The following NRDE2 variants were observed in gnomAD, a reference collection of about 807,000 sequenced individuals.
NRDE2 encodes nuclear exosome regulator NRDE2.
Under a neutral mutation model 124.2 loss-of-function variants are expected in NRDE2, and 76 were observed. The ratio of observed to expected loss-of-function variants is 0.61; its 90% confidence interval spans 0.51 to 0.74. The LOEUF (loss-of-function observed/expected upper bound fraction) is 0.74. Among genes scored for constraint, NRDE2 ranks in the 30% least tolerant of loss-of-function variants. The pLI is 0.00. For synonymous variants in NRDE2, 489 were observed against 528.1 expected (o/e 0.93, Z 1.01); for missense variants, 1,314 against 1,417.3 (o/e 0.93, Z 1.17).
chr14:90,300,071 G>C (rs1028653268), intron 7 of NRDE2, among the ~76,000 whole-genome samples: 4 of 152,260 alleles, frequency 2.6e-5, no homozygotes, highest in African/African-American at 9.6e-5. Flanking sequence ...CAACACTTTA[G>C]AGCAGTGGTC....
Position 90,273,445 on chromosome 14 carries a change from C to G in NRDE2, c.*4891G>C, listed in dbSNP as rs1431313919. The G allele has an allele frequency of 1.3e-5, 2 of 152,334 alleles. No individual in the cohort carries two copies. Among genetic ancestry groups the G allele is most frequent in the South Asian group, 4.1e-4 (2 of 4,822 alleles). The allele number at this position is 152,334 out of a possible 1,614,324, so 9.4% of individuals were successfully genotyped here. ...TGGTGGCAGGTGCCTGTAGTCCCAGCTACTCAGGAGGCTGAGGCAGGACAA... is the reference window on the plus strand; with the variant it reads ...TGGTGGCAGGTGCCTGTAGTCCCAGGTACTCAGGAGGCTGAGGCAGGACAA... On this transcript the variant is annotated 3_prime_UTR_variant, in exon 14 of 14. Transcript: ENST00000354366.
chr14:90,284,391 C>G (rs576169723), intron 12 of NRDE2, among the ~76,000 whole-genome samples: 2 of 150,438 alleles, frequency 1.3e-5, no homozygotes, highest in East Asian at 3.9e-4. Flanking sequence ...CTCTGTTAAC[C>G]AGGCAGGAGT....
intron 12 of NRDE2, chr14:90,279,400 T>C: frequency 2.6e-6 from 1 of 382,198 alleles, no homozygotes; most frequent in Non-Finnish European, 4.7e-6. Context: ...AAGTCTCAGA[T>C]CTCCTCCTTT....
At chr14:90,289,741 C>A (rs529420435) in intron 10 of NRDE2, among the ~76,000 whole-genome samples, 129 of 152,364 alleles carry the variant, frequency 8.5e-4, no homozygotes, top group Non-Finnish European at 1.5e-3. Context: ...GCACACGCCA[C>A]AACGCCCAGC....
intron 12 of NRDE2, among the ~76,000 whole-genome samples, chr14:90,284,973 G>A (rs1315583214): frequency 2.6e-5 from 4 of 152,042 alleles, no homozygotes; most frequent in Non-Finnish European, 5.9e-5. Context: ...TGAACACAAA[G>A]CTGCTTTAGA....
intron 12 of NRDE2, among the ~76,000 whole-genome samples, chr14:90,283,570 G>C (rs1892013162): frequency 6.6e-6 from 1 of 152,154 alleles, no homozygotes; most frequent in African/African-American, 2.4e-5. Context: ...TCCTGACTCT[G>C]CTGCCTCAAA....
chr14:90,304,097 A>G lies in NRDE2; in HGVS notation c.843T>C (p.His281=). Residue 281 remains histidine (H), a synonymous_variant, in exon 5 of 14, where the codon CAT becomes CAC. Coordinates refer to ENST00000354366, the MANE Select transcript of NRDE2 (RefSeq NM_017970.4). ...PLGIYDQSTT[H]WLQGQGPPEQ... ...CTGGAGGACCCTGTCCTTGTAGCCA[A>G]TGTGTGGTTGACTGATCATAAATCC... 2 of 1,614,166 alleles carry G rather than the reference A, an allele frequency of 1.2e-6. No individual in the cohort carries two copies. The highest frequency in any genetic ancestry group is 1.7e-6 in the Non-Finnish European group (2 of 1,180,036).
chr14:90,303,306 T>C (rs1489986854), intron 5 of NRDE2, among the ~76,000 whole-genome samples, 181 bp from the exon 6 acceptor site: 2 of 152,250 alleles, frequency 1.3e-5, no homozygotes, highest in African/African-American at 4.8e-5. Context: ...TGTTTGATCT[T>C]GTATTTATCA....
intron 8 of NRDE2, among the ~76,000 whole-genome samples, chr14:90,296,919 A>G (rs896219946): frequency 4.4e-4 from 67 of 152,224 alleles, no homozygotes; most frequent in African/African-American, 1.5e-3. Context: ...TGGGCGGATT[A>G]CTTGAGGTCA....
intron 4 of NRDE2, among the ~76,000 whole-genome samples, chr14:90,308,580 T>C (rs772951584): frequency 5.3e-5 from 8 of 152,120 alleles, no homozygotes; most frequent in Non-Finnish European, 1.0e-4. Context: ...TAAGGCCAAA[T>C]GCCCATCTAG....
intron 1 of NRDE2, among the ~76,000 whole-genome samples, chr14:90,329,253 T>C (rs1452492845): frequency 1.3e-5 from 2 of 152,184 alleles, no homozygotes; most frequent in East Asian, 1.9e-4. Context: ...AGCCCAACCA[T>C]ATTTCCCAAG....
At chr14:90,327,804 C>A (rs1885498307) in intron 1 of NRDE2, among the ~76,000 whole-genome samples, 1 of 152,114 alleles carries the variant, frequency 6.6e-6, no homozygotes, top group Non-Finnish European at 1.5e-5. Flanking sequence ...TCGAGACTAG[C>A]CTGGCCAACA....
chr14:90,312,193 T>C (rs1403100382), intron 4 of NRDE2, among the ~76,000 whole-genome samples: 2 of 152,216 alleles, frequency 1.3e-5, no homozygotes, highest in Non-Finnish European at 2.9e-5. Flanking sequence ...CAGGGATAAA[T>C]AAGATTAATC....
rs1172924703 is a variant in NRDE2 at position 90,269,683 on chromosome 14, A to T, written c.*8653T>A. On this transcript the variant is annotated 3_prime_UTR_variant, in exon 14 of 14. Transcript: ENST00000354366. ...GAAACTTAGGATAATTTACAAAAAA[A>T]TAGGTCCTCTTGAGATGAGGGTTAA... is the stretch of plus-strand genomic sequence containing the variant. The T allele has an allele frequency of 2.0e-6, 2 of 979,708 alleles. No individual in the cohort carries two copies. Among genetic ancestry groups the T allele is most frequent in the Non-Finnish European group, 3.0e-6 (2 of 668,904 alleles). The allele number at this position is 979,708 out of a possible 1,614,324, so 60.7% of individuals were successfully genotyped here. A position where few individuals can be genotyped will look rare whatever the true frequency, so the allele number is the denominator to read the frequency against.
In NRDE2 at chr14:90,286,341, A is replaced by T. The variant is rs751046463; in HGVS notation, c.3297+13T>A. The T allele has an allele frequency of 1.7e-5, 28 of 1,610,684 alleles. No homozygotes were observed. Among genetic ancestry groups the T allele is most frequent in the Non-Finnish European group, 2.3e-5 (27 of 1,178,392 alleles). On this transcript the variant is annotated intron_variant, in intron 12 of 13. Transcript: ENST00000354366. Reference sequence around the variant, plus strand: ...GCTCTGCATGAACACAAAACATCTCAATATTTTCTTACCAGAAAGTTCAAA... The same window carrying T: ...GCTCTGCATGAACACAAAACATCTCTATATTTTCTTACCAGAAAGTTCAAA...
At chr14:90,287,957 T>C (rs1302536214) in intron 11 of NRDE2, among the ~76,000 whole-genome samples, 1 of 152,106 alleles carries the variant, frequency 6.6e-6, no homozygotes, top group Non-Finnish European at 1.5e-5. Flanking sequence ...CCACCACCCA[T>C]GCACACAGAA....
Position 90,291,129 on chromosome 14 carries a change from C to A in NRDE2, c.1843-522G>T, listed in dbSNP as rs572274896. On this transcript the variant is annotated intron_variant, in intron 9 of 13. Transcript: ENST00000354366. ...TAAACAGACTCAAGGTAAGAAGGAA[C>A]CTACAGGAGCAATGGAGCACATTAA... Among the ~76,000 whole-genome samples the A allele has an allele frequency of 1.7e-4, 26 of 152,186 alleles. No individual in the cohort carries two copies. In the South Asian group the frequency reaches 2.7e-3, roughly 16 times the overall value.
Position 90,278,092 on chromosome 14 carries a change from T to A in NRDE2, c.*244A>T. The A allele has an allele frequency of 2.5e-6, 1 of 392,462 alleles. No homozygotes were observed. The highest frequency in any genetic ancestry group is 2.0e-5 in the African/African-American group (1 of 49,558). 24.3% of individuals were successfully genotyped at this position (392,462 alleles called of 1,614,324 possible). On this transcript the variant is annotated 3_prime_UTR_variant, in exon 14 of 14. Transcript: ENST00000354366. ...TCATCGGTTTAATGACCACGTGGCA[T>A]GACTCTCTGGCTATGTACATATATA...
chr14:90,269,884 A>C lies in NRDE2; in HGVS notation c.*8452T>G. On this transcript the variant is annotated 3_prime_UTR_variant, in exon 14 of 14. Transcript: ENST00000354366. ...TTTACATTCAGGTAGCATCAGAAGA[A>C]ACAGTGATTTGTTTGCTGTCTTTTG... 2.7e-6 allele frequency: 1 copy of C among 375,694 alleles called. No homozygotes were observed. The highest frequency in any genetic ancestry group is 4.7e-6 in the Non-Finnish European group (1 of 210,824). The allele number at this position is 375,694 out of a possible 1,614,324, so 23.3% of individuals were successfully genotyped here.
Sources: allele counts gnomAD v4.1 joint callset (sites outside exome capture counted in the v4.1 genomes callset), GRCh38; gene constraint gnomAD v4.1.1; transcripts MANE v1.5; gene names NCBI Gene and HGNC (gene_info 2026-07-23, HGNC 2026-07-21).